JAZF1: variants seen among roughly 807,000 people sequenced by gnomAD.
The protein encoded by JAZF1 is juxtaposed with another zinc finger protein 1.
A neutral mutation model predicts 26.4 loss-of-function variants in JAZF1; 8 were observed. The observed-to-expected ratio is 0.30, with a 90% CI of 0.18 to 0.55. The LOEUF is 0.55. JAZF1 is among the 20% of genes least tolerant of loss of function. The pLI is 0.94. For missense variants in JAZF1, 199 were observed against 322.0 expected (o/e 0.62, Z 2.92); for synonymous variants, 126 against 122.3 (o/e 1.03, Z -0.20).
chr7:27,833,099 C>CA, intron 4 of JAZF1, 123 bp from the exon 5 acceptor site: 1 of 672,298 alleles, frequency 1.5e-6, no homozygotes, highest in Non-Finnish European at 2.4e-6. Context: ...TAGTCTTTTG[C>CA]AAGGACTCCA....
intron 2 of JAZF1, among the ~76,000 whole-genome samples, chr7:27,905,027 G>C (rs1784227986): frequency 1.3e-5 from 2 of 152,158 alleles, no homozygotes; most frequent in Non-Finnish European, 2.9e-5. Context: ...TTGACCTCCT[G>C]GGCTCAAGTG....
rs189877167 is a variant in JAZF1, at chr7:28,114,713, A to T, written c.115+65750T>A. Among the ~76,000 whole-genome samples, 221 of 151,366 alleles carry T rather than the reference A, an allele frequency of 1.5e-3. 1 individual carries two copies. Among genetic ancestry groups the T allele is most frequent in the African/African-American group, 5.3e-3 (218 of 41,204 alleles). ...TGAGGTGCTCCCAGTCTGGTGAGGG[A>T]CACAACACCTTTCAGGGGACAACCG... On this transcript the variant is annotated intron_variant, in intron 1 of 4. Coordinates refer to ENST00000283928, the MANE Select transcript of JAZF1 (RefSeq NM_175061.4).
intron 2 of JAZF1, among the ~76,000 whole-genome samples, chr7:27,987,470 T>A (rs1018847328): frequency 1.3e-5 from 2 of 151,502 alleles, no homozygotes; most frequent in Non-Finnish European, 2.9e-5. Flanking sequence ...AGCCGCCCCG[T>A]CCAGGAGGTT....
chr7:27,942,417 A>G (rs1430947742), intron 2 of JAZF1, among the ~76,000 whole-genome samples: 1 of 152,228 alleles, frequency 6.6e-6, no homozygotes. Flanking sequence ...TGAGTCAAAC[A>G]TTTTGCAACC....
chr7:27,874,286 A>T (rs1391916816), intron 3 of JAZF1, among the ~76,000 whole-genome samples: 1 of 152,252 alleles, frequency 6.6e-6, no homozygotes, highest in Non-Finnish European at 1.5e-5. Flanking sequence ...GAAGACTGTT[A>T]CGTCCTTAGC....
intron 1 of JAZF1, among the ~76,000 whole-genome samples, chr7:28,075,298 A>G (rs1480820721): frequency 6.6e-6 from 1 of 152,160 alleles, no homozygotes; most frequent in Non-Finnish European, 1.5e-5. Flanking sequence ...GCATCCCTTA[A>G]TACCAGAAGC....
intron 3 of JAZF1, among the ~76,000 whole-genome samples, chr7:27,887,536 C>T (rs1335733229): frequency 6.6e-6 from 1 of 152,122 alleles, no homozygotes; most frequent in African/African-American, 2.4e-5. Context: ...ATGCCTCAGC[C>T]TCCCAAGTAG....
At chr7:27,926,152 A>C (rs903214797) in intron 2 of JAZF1, among the ~76,000 whole-genome samples, 7 of 152,208 alleles carry the variant, frequency 4.6e-5, no homozygotes, top group Non-Finnish European at 2.9e-5. Context: ...GTATATGATG[A>C]GTTAGAAACT....
chr7:28,163,131 A>G (rs1783317667), intron 1 of JAZF1, among the ~76,000 whole-genome samples: 1 of 152,220 alleles, frequency 6.6e-6, no homozygotes. Flanking sequence ...GCTCATGGTC[A>G]TTAAATGTTT....
chr7:27,852,765 G>C (rs148300435), intron 3 of JAZF1, among the ~76,000 whole-genome samples: 2 of 152,040 alleles, frequency 1.3e-5, no homozygotes, highest in African/African-American at 4.8e-5. Context: ...CTACTGTTTG[G>C]GCACACTTTA....
chr7:27,863,746 G>A (rs1047156874), intron 3 of JAZF1: 2 of 152,228 alleles, frequency 1.3e-5, no homozygotes, highest in African/African-American at 2.4e-5. Flanking sequence ...CCAGGCCACT[G>A]TCTTGTGACT....
At chr7:27,923,948 C>T (rs888969204) in intron 2 of JAZF1, among the ~76,000 whole-genome samples, 3 of 152,178 alleles carry the variant, frequency 2.0e-5, no homozygotes, top group Non-Finnish European at 2.9e-5. Flanking sequence ...TGTTGTTTAA[C>T]GTTCACTCAC....
At chr7:28,046,972 G>C (rs766215244) in intron 1 of JAZF1, among the ~76,000 whole-genome samples, 2 of 152,010 alleles carry the variant, frequency 1.3e-5, no homozygotes, top group Non-Finnish European at 2.9e-5. Flanking sequence ...TCATGAAATT[G>C]AATTTGTTAA....
At chr7:28,151,607 C>G (rs917342100) in intron 1 of JAZF1, among the ~76,000 whole-genome samples, 2 of 151,596 alleles carry the variant, frequency 1.3e-5, no homozygotes, top group Non-Finnish European at 2.9e-5. Context: ...TTGAGACCAG[C>G]CTGACCAACA....
chr7:28,065,145 C>T (rs921041011), intron 1 of JAZF1, among the ~76,000 whole-genome samples: 2 of 152,160 alleles, frequency 1.3e-5, no homozygotes, highest in African/African-American at 4.8e-5. Context: ...AGTCAGCTGA[C>T]TTTCTCCCTA....
intron 3 of JAZF1, among the ~76,000 whole-genome samples, chr7:27,845,932 T>C (rs1429998873): frequency 1.3e-5 from 2 of 151,926 alleles, no homozygotes; most frequent in Non-Finnish European, 2.9e-5. Context: ...AATCGCAGGA[T>C]GCTTCAAGGG....
chr7:27,865,031 C>T (rs1022392433), intron 3 of JAZF1, among the ~76,000 whole-genome samples: 1 of 152,102 alleles, frequency 6.6e-6, no homozygotes, highest in Non-Finnish European at 1.5e-5. Context: ...GCATGACGAG[C>T]ATTTGAAAAG....
intron 1 of JAZF1, among the ~76,000 whole-genome samples, chr7:28,074,643 A>G (rs1304326424): frequency 6.6e-6 from 1 of 152,208 alleles, no homozygotes; most frequent in Non-Finnish European, 1.5e-5. Context: ...ACTTAGCAGG[A>G]GTAAGTTTAT....
At chr7:28,036,099 A>G (rs920753844) in intron 1 of JAZF1, among the ~76,000 whole-genome samples, 1 of 152,226 alleles carries the variant, frequency 6.6e-6, no homozygotes, top group African/African-American at 2.4e-5. Flanking sequence ...TCAGTAAATT[A>G]TAATCATTTC....
Sources: gnomAD v4.1 joint callset for allele counts (sites outside exome capture counted in the v4.1 genomes callset) on GRCh38, gnomAD v4.1.1 for gene constraint, MANE v1.5 for transcripts, NCBI Gene and HGNC (gene_info 2026-07-23, HGNC 2026-07-21) for gene names.